FSTL5: variants seen among roughly 807,000 people sequenced by gnomAD.
FSTL5 encodes follistatin like 5.
FSTL5 carries 62 observed loss-of-function variants against 89.1 expected under a neutral mutation model. The ratio of observed to expected loss-of-function variants is 0.70; its 90% CI spans 0.57 to 0.86. FSTL5 has a LOEUF of 0.86. Among genes scored for constraint, FSTL5 ranks in the 40% least tolerant of loss-of-function variants. FSTL5 has a pLI of 0.00. For synonymous variants in FSTL5, 383 were observed against 346.2 expected, an observed-to-expected ratio of 1.11 and a Z score of -1.18; for missense variants, 1,057 against 1,001.6, an observed-to-expected ratio of 1.06 and a Z score of -0.75.
intron 15 of FSTL5, among the ~76,000 whole-genome samples, chr4:161,437,836 G>A (rs1411800408): frequency 2.0e-5 from 3 of 152,054 alleles, no homozygotes; most frequent in African/African-American, 7.2e-5. Flanking sequence ...TTGGCATAGA[G>A]AAAAAGGAAG....
At chr4:162,043,636 C>A (rs989902557) in intron 2 of FSTL5, among the ~76,000 whole-genome samples, 7 of 152,106 alleles carry the variant, frequency 4.6e-5, no homozygotes, top group African/African-American at 1.7e-4. Context: ...TGAAAGATTT[C>A]TCTGTAGCAT....
intron 4 of FSTL5, among the ~76,000 whole-genome samples, chr4:161,892,995 A>G (rs2110760734): frequency 6.6e-6 from 1 of 152,248 alleles, no homozygotes; most frequent in East Asian, 1.9e-4. Context: ...AGAAAGATAC[A>G]AGTGAGTGTT....
chr4:161,834,049 C>T (rs1730944626), intron 4 of FSTL5, among the ~76,000 whole-genome samples: 2 of 152,000 alleles, frequency 1.3e-5, no homozygotes, highest in Admixed American at 1.3e-4. Flanking sequence ...TGCAAAAATC[C>T]TCAATAAAAT....
chr4:161,486,800 TA>T (rs905819797), intron 12 of FSTL5, among the ~76,000 whole-genome samples: 9 of 152,142 alleles, frequency 5.9e-5, no homozygotes, highest in African/African-American at 2.2e-4. Context: ...CCCTCTTTTG[TA>T]AAAAAATAAT....
chr4:162,055,919 C>G (rs1738527478), intron 2 of FSTL5, among the ~76,000 whole-genome samples: 1 of 151,772 alleles, frequency 6.6e-6, no homozygotes, highest in Non-Finnish European at 1.5e-5. Context: ...AAATAGACTT[C>G]TGCATCAAAC....
intron 7 of FSTL5, among the ~76,000 whole-genome samples, chr4:161,656,004 G>A (rs1365621875): frequency 1.3e-5 from 2 of 151,928 alleles, no homozygotes; most frequent in Non-Finnish European, 2.9e-5. Flanking sequence ...CATATTAATA[G>A]GAATAAATCC....
chr4:162,146,052 T>A (rs1732971614), intron 1 of FSTL5, among the ~76,000 whole-genome samples: 1 of 152,142 alleles, frequency 6.6e-6, no homozygotes, highest in African/African-American at 2.4e-5. Context: ...TTGATTTTTT[T>A]ATAACTAAAA....
intron 3 of FSTL5, among the ~76,000 whole-genome samples, chr4:161,994,305 G>A (rs946661353): frequency 3.3e-5 from 5 of 152,198 alleles, no homozygotes; most frequent in Non-Finnish European, 7.4e-5. Flanking sequence ...GGGCATTTAG[G>A]TTGATTCCAT....
chr4:161,650,412 A>G (rs1221335376), intron 7 of FSTL5, among the ~76,000 whole-genome samples: 1 of 152,204 alleles, frequency 6.6e-6, no homozygotes, highest in African/African-American at 2.4e-5. Flanking sequence ...AAAAGTGTAT[A>G]ATACAATAAA....
intron 6 of FSTL5, among the ~76,000 whole-genome samples, chr4:161,662,702 G>A (rs1736759257): frequency 6.6e-6 from 1 of 152,142 alleles, no homozygotes; most frequent in Non-Finnish European, 1.5e-5. Context: ...ACAAATAGCA[G>A]CTGACAGGTT....
intron 12 of FSTL5, among the ~76,000 whole-genome samples, chr4:161,482,006 G>A (rs1168465036): frequency 1.3e-5 from 2 of 152,146 alleles, no homozygotes; most frequent in Admixed American, 6.6e-5. Flanking sequence ...TAATAAGAGA[G>A]ACTGGTTAAA....
In FSTL5 at chr4:161,598,631, C is replaced by T. The variant is rs191375906; in HGVS notation, c.895-11056G>A. On this transcript the variant is annotated intron_variant, in intron 7 of 15. Transcript: ENST00000306100. ...TCTCAGCTCTCCCTTCTTTCTCTGT[C>T]CCAAGAAATAGATAAATGACAAGTA... Among the ~76,000 whole-genome samples, 61 of 152,114 alleles carry T rather than the reference C, an allele frequency of 4.0e-4. No homozygotes were observed. In the East Asian group the frequency reaches 9.9e-3, roughly 25 times the overall value.
chr4:161,831,679 T>G (rs1730850697), intron 4 of FSTL5, among the ~76,000 whole-genome samples: 1 of 151,894 alleles, frequency 6.6e-6, no homozygotes, highest in Non-Finnish European at 1.5e-5. Flanking sequence ...TCCACAAGAT[T>G]TTAGTTTTAA....
At chr4:161,647,972 G>C (rs972029654) in intron 7 of FSTL5, among the ~76,000 whole-genome samples, 1 of 152,078 alleles carries the variant, frequency 6.6e-6, no homozygotes, top group Non-Finnish European at 1.5e-5. Context: ...CTGGCAGAAC[G>C]ACACGGAGTT....
chr4:161,870,896 G>A (rs1366355680), intron 4 of FSTL5, among the ~76,000 whole-genome samples: 2 of 152,092 alleles, frequency 1.3e-5, no homozygotes, highest in African/African-American at 4.8e-5. Context: ...GGAATGACAG[G>A]TAGGGAAGAG....
At chr4:161,437,575 A>AAAAAAAAAAC (rs1732612589) in intron 15 of FSTL5, among the ~76,000 whole-genome samples, 1 of 149,816 alleles carries the variant, frequency 6.7e-6, no homozygotes, top group South Asian at 2.1e-4. Flanking sequence ...CAAAAAAAAA[A>AAAAAAAAAAC]AAAAAAACGA....
At chr4:162,130,071 C>T (rs567760321) in intron 1 of FSTL5, among the ~76,000 whole-genome samples, 1 of 152,106 alleles carries the variant, frequency 6.6e-6, no homozygotes, top group African/African-American at 2.4e-5. Flanking sequence ...TTTCTGAAAT[C>T]GCCCTGCCAT....
chr4:161,872,136 T>TTTG (rs1732285566), intron 4 of FSTL5, among the ~76,000 whole-genome samples: 1 of 40,716 alleles, frequency 2.5e-5, no homozygotes, highest in Non-Finnish European at 6.4e-5. Context: ...TTGTTTTTTT[T>TTTG]TTTGGTTTTT....
intron 6 of FSTL5, among the ~76,000 whole-genome samples, chr4:161,669,123 A>AAAAAAAT (rs1553956609): frequency 6.2e-5 from 9 of 144,058 alleles, no homozygotes; most frequent in East Asian, 2.1e-4. Context: ...AAAAAAAAAA[A>AAAAAAAT]AAAATAAAAT....
Sources: gnomAD v4.1 joint callset for allele counts (sites outside exome capture counted in the v4.1 genomes callset) on GRCh38, gnomAD v4.1.1 for gene constraint, MANE v1.5 for transcripts, NCBI Gene and HGNC (gene_info 2026-07-23, HGNC 2026-07-21) for gene names.